NRIP1: variants seen among roughly 807,000 people sequenced by gnomAD.
NRIP1 encodes nuclear receptor interacting protein 1, also known as nuclear receptor-interacting protein 1.
NRIP1 carries 28 observed loss-of-function variants against 75.0 expected under a neutral mutation model. That is an observed-to-expected ratio of 0.37 (90% CI 0.28 to 0.51). NRIP1 has a LOEUF of 0.51. NRIP1 is among the 20% of genes least tolerant of loss of function. The pLI is 0.92. For synonymous variants in NRIP1, 526 were observed against 487.6 expected (o/e 1.08, Z -1.04); for missense variants, 1,435 against 1,343.7 (o/e 1.07, Z -1.06).
At chr21:15,005,905 A>G (rs1344342059) in intron 3 of NRIP1, among the ~76,000 whole-genome samples, 2 of 152,174 alleles carry the variant, frequency 1.3e-5, no homozygotes, top group Non-Finnish European at 2.9e-5. Context: ...TTTCTTGACT[A>G]TATTTCAGTG....
At chr21:15,008,362 T>C (rs532772005) in intron 3 of NRIP1, among the ~76,000 whole-genome samples, 1 of 152,246 alleles carries the variant, frequency 6.6e-6, no homozygotes, top group East Asian at 1.9e-4. Flanking sequence ...GAAACTTTTT[T>C]AAACGACCAA....
chr21:14,989,228 TCA>T (rs1488075866), intron 3 of NRIP1, among the ~76,000 whole-genome samples: 6 of 152,156 alleles, frequency 3.9e-5, no homozygotes, highest in Non-Finnish European at 7.3e-5. Flanking sequence ...TGCCTTTACC[TCA>T]CGTATGGTCA....
At chr21:15,058,719 T>C (rs567526788) in intron 1 of NRIP1, among the ~76,000 whole-genome samples, 5 of 152,292 alleles carry the variant, frequency 3.3e-5, no homozygotes, top group Admixed American at 6.5e-5. Context: ...ATCTTACTAA[T>C]GAAATGCTTT....
intron 2 of NRIP1, among the ~76,000 whole-genome samples, chr21:15,033,735 T>A (rs2088767277): frequency 6.6e-6 from 1 of 152,226 alleles, no homozygotes; most frequent in South Asian, 2.1e-4. Context: ...TACTATCCAA[T>A]TTTACAGATG....
chr21:15,054,517 T>C (rs754544545), intron 1 of NRIP1, among the ~76,000 whole-genome samples: 1 of 152,230 alleles, frequency 6.6e-6, no homozygotes, highest in African/African-American at 2.4e-5. Context: ...TTTCACTTTT[T>C]CCCTCATAAT....
chr21:15,061,908 A>G (rs955925340), intron 1 of NRIP1, among the ~76,000 whole-genome samples: 1 of 152,196 alleles, frequency 6.6e-6, no homozygotes, highest in Admixed American at 6.5e-5. Flanking sequence ...CAAGGATGGC[A>G]TATCTCCTTA....
chr21:14,973,619 C>T (rs2086965042), intron 3 of NRIP1, among the ~76,000 whole-genome samples: 1 of 150,768 alleles, frequency 6.6e-6, no homozygotes, highest in Admixed American at 6.6e-5. Flanking sequence ...TTCAGGATAC[C>T]AAGAAGTACT....
intron 2 of NRIP1, among the ~76,000 whole-genome samples, chr21:15,033,347 T>A (rs2088756391): frequency 6.6e-6 from 1 of 152,008 alleles, no homozygotes; most frequent in African/African-American, 2.4e-5. Flanking sequence ...ATTTTACAGA[T>A]GAGAACACTG....
chr21:14,980,335 A>T (rs928960107), intron 3 of NRIP1, among the ~76,000 whole-genome samples: 3 of 151,950 alleles, frequency 2.0e-5, no homozygotes, highest in African/African-American at 7.3e-5. Flanking sequence ...TTAGGTGGAC[A>T]CAGTGGCATG....
chr21:15,030,380 C>T (rs1022611614), intron 2 of NRIP1, among the ~76,000 whole-genome samples: 2 of 152,212 alleles, frequency 1.3e-5, no homozygotes, highest in Non-Finnish European at 2.9e-5. Context: ...GTTTCCCACA[C>T]TGGGTTAAGT....
chr21:15,013,298 G>T (rs1015485003), intron 3 of NRIP1, among the ~76,000 whole-genome samples: 31 of 152,146 alleles, frequency 2.0e-4, no homozygotes, highest in Admixed American at 1.6e-3. Flanking sequence ...ATTTAAGTGG[G>T]TGATTAAAAT....
At chr21:15,016,995 GAAAA>G (rs1403640388) in intron 2 of NRIP1, among the ~76,000 whole-genome samples, 1 of 151,294 alleles carries the variant, frequency 6.6e-6, no homozygotes, top group Non-Finnish European at 1.5e-5. Flanking sequence ...AGAAAAGAAA[GAAAA>G]AGAAAAGAAT....
chr21:15,036,864 T>A (rs1373854820), intron 2 of NRIP1, among the ~76,000 whole-genome samples: 1 of 152,168 alleles, frequency 6.6e-6, no homozygotes, highest in African/African-American at 2.4e-5. Context: ...CCAATGTGAA[T>A]TAAATATGAA....
In NRIP1 at chr21:15,010,386, G is replaced by GA. The variant is rs879475536; in HGVS notation, c.-335+3957dup. On this transcript the variant is annotated intron_variant, in intron 3 of 3. Transcript: ENST00000318948. ...TCATTTGAAACCTTTCATGGAAAAG[G>GA]AAAAAAAAAAAAACCTGAGTTGATA... Among the ~76,000 whole-genome samples, 646 of 136,806 alleles carry GA rather than the reference G, an allele frequency of 4.7e-3. 4 individuals carry two copies. Among genetic ancestry groups the GA allele is most frequent in the East Asian group, 8.6e-3 (41 of 4,784 alleles). The allele number at this position is 136,806 out of a possible 152,430, so 89.8% of individuals were successfully genotyped here. A position where few individuals can be genotyped will look rare whatever the true frequency, so the allele number is the denominator to read the frequency against.
In NRIP1 at chr21:14,989,561, G is replaced by A. The variant is rs144312901; in HGVS notation, c.-334-21035C>T. On this transcript the variant is annotated intron_variant, in intron 3 of 3. Coordinates refer to ENST00000318948, the MANE Select transcript of NRIP1 (RefSeq NM_003489.4). ...AACATATCTTTCACAGGAATGGGAA[G>A]GAAGCCAGCATAGGCCATCTGGCTG... Among the ~76,000 whole-genome samples the A allele has an allele frequency of 1.0e-3, 155 of 152,302 alleles. 1 individual carries two copies. The highest frequency in any genetic ancestry group is 3.6e-3 in the African/African-American group (151 of 41,560).
chr21:15,050,759 G>A (rs1323061323), intron 1 of NRIP1: 2 of 455,910 alleles, frequency 4.4e-6, no homozygotes, highest in Admixed American at 2.3e-5. Context: ...CCCTCTAGGG[G>A]CCAGCCAACG....
rs1172101310 is a variant in NRIP1, at chr21:14,967,889, A to C, written c.304T>G (p.Ser102Ala). ...ACGTTTAAATTCATGATAGAATCAGACAGCCTCTTCCGCTTTGCTGCATTC... is the reference window on the plus strand; with the variant it reads ...ACGTTTAAATTCATGATAGAATCAGCCAGCCTCTTCCGCTTTGCTGCATTC... ...DWNAAKRKRL[S>A]DSIMNLNVKK... is the part of the protein sequence containing the mutation. The change falls in exon 4 of 4, where the codon TCT becomes GCT. Residue 102 changes from serine to alanine, a missense_variant. Coordinates refer to ENST00000318948, the MANE Select transcript of NRIP1 (RefSeq NM_003489.4). 3.1e-6 allele frequency: 5 copies of C among 1,614,160 alleles called. No individual in the cohort carries two copies. In the South Asian group the frequency reaches 5.5e-5, roughly 18 times the overall value.
intron 3 of NRIP1, chr21:14,991,079 A>G (rs1024276910): frequency 2.6e-5 from 4 of 152,078 alleles, no homozygotes; most frequent in African/African-American, 9.7e-5. Flanking sequence ...CCCTGGCCCA[A>G]AATGTCTTGA....
intron 1 of NRIP1, among the ~76,000 whole-genome samples, chr21:15,060,652 CTACTT>C (rs1388160077): frequency 6.6e-6 from 1 of 152,064 alleles, no homozygotes; most frequent in African/African-American, 2.4e-5. Context: ...TTTTGATCCT[CTACTT>C]TAAAGATATC....
Sources: gnomAD v4.1 joint callset for allele counts (sites outside exome capture counted in the v4.1 genomes callset) on GRCh38, gnomAD v4.1.1 for gene constraint, MANE v1.5 for transcripts, NCBI Gene and HGNC (gene_info 2026-07-23, HGNC 2026-07-21) for gene names.